DIAPH3: variants seen among roughly 807,000 people sequenced by gnomAD.
The protein encoded by DIAPH3 is protein diaphanous homolog 3.
In DIAPH3, 117 loss-of-function variants were observed where a neutral mutation model predicts 144.3. The observed-to-expected ratio is 0.81, with a 90% CI of 0.70 to 0.95. The LOEUF is 0.95. Among genes scored for constraint, DIAPH3 ranks in the 40% least tolerant of loss-of-function variants. The pLI is 0.00. For synonymous variants in DIAPH3, 519 were observed against 488.9 expected (o/e 1.06, Z -0.81); for missense variants, 1,421 against 1,412.7 (o/e 1.01, Z -0.09).
At chr13:59,897,596 A>G (rs1336907415) in intron 20 of DIAPH3, among the ~76,000 whole-genome samples, 1 of 151,772 alleles carries the variant, frequency 6.6e-6, no homozygotes, top group Non-Finnish European at 1.5e-5. Context: ...AAAAATCCAA[A>G]AATTAGCTAG....
chr13:59,874,483 A>G (rs1454249412), intron 21 of DIAPH3, among the ~76,000 whole-genome samples: 1 of 152,176 alleles, frequency 6.6e-6, no homozygotes, highest in Admixed American at 6.5e-5. Context: ...AAATTCATGC[A>G]TTAGAAAAGA....
intron 4 of DIAPH3, among the ~76,000 whole-genome samples, chr13:60,072,108 C>T (rs567843600): frequency 1.7e-4 from 26 of 152,166 alleles, no homozygotes; most frequent in South Asian, 6.2e-4. Flanking sequence ...CCCTCTCCCA[C>T]GGTAGCTCTT....
chr13:60,077,942 T>C (rs2057430663), intron 4 of DIAPH3, among the ~76,000 whole-genome samples: 1 of 152,118 alleles, frequency 6.6e-6, no homozygotes, highest in African/African-American at 2.4e-5. Context: ...ACAAGAGTCT[T>C]CTTAAGAATA....
chr13:60,032,148 G>A (rs9538554), intron 5 of DIAPH3, among the ~76,000 whole-genome samples: 27,671 of 152,202 alleles, frequency 0.18, 3,175 homozygotes, highest in South Asian at 0.27. Flanking sequence ...TGGCTTTGCA[G>A]CGTGCACCAC....
intron 4 of DIAPH3, among the ~76,000 whole-genome samples, chr13:60,090,432 C>A (rs1458194906): frequency 6.6e-6 from 1 of 151,684 alleles, no homozygotes; most frequent in Non-Finnish European, 1.5e-5. Flanking sequence ...AGGGTTAATA[C>A]TTTGAGGGTT....
chr13:59,843,463 T>A (rs1313337305), intron 22 of DIAPH3, among the ~76,000 whole-genome samples: 1 of 152,162 alleles, frequency 6.6e-6, no homozygotes, highest in Non-Finnish European at 1.5e-5. Context: ...AATTCTGTGG[T>A]TGTCAGTGGG....
At chr13:59,668,842 T>TAC (rs1767070255) in intron 27 of DIAPH3, among the ~76,000 whole-genome samples, 1 of 89,072 alleles carries the variant, frequency 1.1e-5, no homozygotes, top group Admixed American at 1.1e-4. Context: ...TATATGTATG[T>TAC]ATACACACAC....
intron 24 of DIAPH3, among the ~76,000 whole-genome samples, chr13:59,828,641 A>AC (rs1348248686): frequency 5.3e-5 from 8 of 151,250 alleles, no homozygotes; most frequent in East Asian, 2.0e-4. Flanking sequence ...CAAAAAAAAA[A>AC]AAAAAACACT....
intron 17 of DIAPH3, among the ~76,000 whole-genome samples, chr13:59,954,289 G>A (rs564530141): frequency 1.3e-5 from 2 of 152,272 alleles, no homozygotes; most frequent in Admixed American, 6.5e-5. Context: ...TGTGAGGACT[G>A]GGCACCATCC....
chr13:60,094,604 G>C (rs772019611), intron 3 of DIAPH3, among the ~76,000 whole-genome samples: 5 of 152,150 alleles, frequency 3.3e-5, no homozygotes, highest in Non-Finnish European at 7.4e-5. Context: ...ATATCTGAAT[G>C]TATATAAACT....
chr13:59,729,810 A>ATTTTTTTTTTTTTTTTTTTTT (rs59987412), intron 27 of DIAPH3, among the ~76,000 whole-genome samples: 5 of 134,252 alleles, frequency 3.7e-5, no homozygotes, highest in African/African-American at 1.2e-4. Context: ...ATACATTAAT[A>ATTTTTTTTTTTTTTTTTTTTT]TTTTTTTTTT....
At chr13:59,677,210 TA>T (rs201549532) in intron 27 of DIAPH3, among the ~76,000 whole-genome samples, 5 of 150,506 alleles carry the variant, frequency 3.3e-5, no homozygotes, top group South Asian at 2.1e-4. Flanking sequence ...AACTAAACCT[TA>T]AAAAAAAAGG....
At chr13:60,108,828 T>C (rs954745186) in intron 3 of DIAPH3, among the ~76,000 whole-genome samples, 3 of 152,068 alleles carry the variant, frequency 2.0e-5, no homozygotes, top group Admixed American at 6.5e-5. Context: ...ATGACTTCAG[T>C]GGGGACTTCT....
At chr13:60,156,771 T>C (rs949833983) in intron 1 of DIAPH3, among the ~76,000 whole-genome samples, 2 of 151,316 alleles carry the variant, frequency 1.3e-5, no homozygotes, top group Admixed American at 1.3e-4. Flanking sequence ...GCCCTAACAA[T>C]GCTTTCTTTC....
At chr13:60,153,296 A>C (rs1951885094) in intron 1 of DIAPH3, 1 of 152,106 alleles carries the variant, frequency 6.6e-6, no homozygotes, top group African/African-American at 2.4e-5. Context: ...TGAATATAGA[A>C]GCTGGAAGTA....
intron 27 of DIAPH3, among the ~76,000 whole-genome samples, chr13:59,766,549 A>C (rs1364550920): frequency 6.6e-6 from 1 of 152,102 alleles, no homozygotes; most frequent in African/African-American, 2.4e-5. Flanking sequence ...TTCCTTTGTA[A>C]CTGTCCAGGT....
intron 27 of DIAPH3, among the ~76,000 whole-genome samples, chr13:59,745,925 A>G (rs537271183): frequency 6.6e-6 from 1 of 152,318 alleles, no homozygotes; most frequent in South Asian, 2.1e-4. Context: ...AATATTCTGG[A>G]ATGATATGAA....
intron 22 of DIAPH3, among the ~76,000 whole-genome samples, chr13:59,850,775 G>GA (rs1181758976): frequency 6.7e-6 from 1 of 150,218 alleles, no homozygotes; most frequent in African/African-American, 2.5e-5. Flanking sequence ...AGAAAATCTA[G>GA]AAGAAATGGA....
At chr13:59,830,747 T>C (rs534377817) in intron 24 of DIAPH3, among the ~76,000 whole-genome samples, 1 of 151,752 alleles carries the variant, frequency 6.6e-6, no homozygotes, top group Non-Finnish European at 1.5e-5. Context: ...CTAACCCCTC[T>C]CCCAATAGAA....
Sources: gnomAD v4.1 joint callset for allele counts (sites outside exome capture counted in the v4.1 genomes callset) on GRCh38, gnomAD v4.1.1 for gene constraint, MANE v1.5 for transcripts, NCBI Gene and HGNC (gene_info 2026-07-23, HGNC 2026-07-21) for gene names.